The following ZNF600 variants were observed in gnomAD, a reference collection of about 807,000 sequenced individuals.
The protein encoded by ZNF600 is zinc finger protein KR-ZNF1.
Under a neutral mutation model 7.3 loss-of-function variants are expected in ZNF600, and 4 were observed. The observed-to-expected ratio is 0.55, with a 90% CI of 0.27 to 1.25. The LOEUF (loss-of-function observed/expected upper bound fraction) is 1.25. Among genes scored for constraint, ZNF600 ranks in the 50% most tolerant of loss-of-function variants. The pLI is 0.12. For missense variants in ZNF600, 911 were observed against 922.1 expected, an observed-to-expected ratio of 0.99 and a Z score of 0.16; for synonymous variants, 290 against 308.9, an observed-to-expected ratio of 0.94 and a Z score of 0.64.
At chr19:52,818,112 CTT>C in the ZNF600 span, 1 of 1,359,420 alleles carries the variant, frequency 7.4e-7, no homozygotes, top group East Asian at 2.4e-5. Flanking sequence ...ACAAAGGAGA[CTT>C]CACCTTGAGG....
At position 52,781,420 on chromosome 19, in the gene ZNF600, C is replaced by A. The variant is rs974958312; in HGVS notation, c.-19-2513G>T. 1 of 152,108 alleles carries A rather than the reference C, an allele frequency of 6.6e-6. No individual in the cohort carries two copies. The highest frequency in any genetic ancestry group is 2.4e-5 in the African/African-American group (1 of 41,416). 9.4% of individuals were successfully genotyped at this position (152,108 alleles called of 1,614,324 possible). A position where few individuals can be genotyped will look rare whatever the true frequency, so the allele number is the denominator to read the frequency against. On this transcript the variant is annotated intron_variant, in intron 1 of 3. The change abolishes an upstream ATG in the 5' untranslated region. Transcript: ENST00000648973. The stretch of plus-strand genomic sequence containing the variant: ...GGAGGAAGGACGTGTGGCTGATTCC[C>A]ATGTGATTGCCTGGAAGGCCCAATA...
chr19:52,810,777 ACCC>A, the ZNF600 span: 24,412 of 497,728 alleles, frequency 0.049, 1,972 homozygotes, highest in African/African-American at 0.23. Flanking sequence ...ATAAAAAAAA[ACCC>A]AAAAAAAACA....
At chr19:52,794,537 CTG>C in the ZNF600 span, among the ~76,000 whole-genome samples, 2 of 152,172 alleles carry the variant, frequency 1.3e-5, no homozygotes, top group Non-Finnish European at 2.9e-5. Flanking sequence ...CGCCAATAGG[CTG>C]TGTTGGTCTT....
At chr19:52,778,975 T>C (rs1210621217) in intron 1 of ZNF600, 68 bp from the exon 4 acceptor site, 3 of 1,436,192 alleles carry the variant, frequency 2.1e-6, no homozygotes, top group Non-Finnish European at 2.8e-6. Context: ...CAAAACCACA[T>C]GAACAGGGGA....
intron 1 of ZNF600, among the ~76,000 whole-genome samples, chr19:52,785,784 T>C (rs542360656): frequency 3.2e-4 from 49 of 152,210 alleles, no homozygotes; most frequent in Middle Eastern, 3.4e-3. Context: ...CTGCCCTGGC[T>C]CCAAATCCCT....
At chr19:52,809,732 G>A in the ZNF600 span, 1 of 412,424 alleles carries the variant, frequency 2.4e-6, no homozygotes. Flanking sequence ...TTTAACCCAG[G>A]AGGAGGGGGT....
At chr19:52,780,372 C>T (rs2062710317) in intron 1 of ZNF600, among the ~76,000 whole-genome samples, 2 of 152,118 alleles carry the variant, frequency 1.3e-5, no homozygotes, top group Non-Finnish European at 2.9e-5. Flanking sequence ...CTGCTTGTCA[C>T]TTGCAGCTGA....
chr19:52,777,177 G>A (rs866690409), intron 2 of ZNF600, among the ~76,000 whole-genome samples: 1 of 151,604 alleles, frequency 6.6e-6, no homozygotes. Context: ...TCAGGAGTTC[G>A]ACCAGCCTGA....
At chr19:52,768,439 CAA>C (rs34209404) in intron 3 of ZNF600, among the ~76,000 whole-genome samples, 24 of 66,950 alleles carry the variant, frequency 3.6e-4, no homozygotes, top group South Asian at 4.9e-4. Flanking sequence ...GACTCCACCT[CAA>C]AAAAAAAAAA....
chr19:52,771,384 G>A (rs2062629022), intron 3 of ZNF600, among the ~76,000 whole-genome samples: 1 of 149,902 alleles, frequency 6.7e-6, no homozygotes, highest in African/African-American at 2.5e-5. Flanking sequence ...CACCCAGGCT[G>A]GAGTGCAGTG....
At chr19:52,808,294 A>C in the ZNF600 span, among the ~76,000 whole-genome samples, 1 of 152,204 alleles carries the variant, frequency 6.6e-6, no homozygotes, top group African/African-American at 2.4e-5. Context: ...ATACTTTTTG[A>C]AGTGATCAAG....
chr19:52,799,204 G>A, the ZNF600 span: 7 of 386,310 alleles, frequency 1.8e-5, no homozygotes, highest in African/African-American at 8.4e-5. Flanking sequence ...TCTCCAATAC[G>A]AATTGCCTTT....
Position 52,777,156 on chromosome 19 carries a change from G to A in ZNF600, c.63+1670C>T, listed in dbSNP as rs552205743. ...AGCACTATGGGAGGCTGAGGTGGATGAATCACAAGGTCAGGAGTTCGACCA... is the reference window on the plus strand; with the variant it reads ...AGCACTATGGGAGGCTGAGGTGGATAAATCACAAGGTCAGGAGTTCGACCA... On this transcript the variant is annotated intron_variant, in intron 2 of 3. Coordinates refer to ENST00000648973, the Ensembl canonical transcript of ZNF600. 5.3e-3 allele frequency among the ~76,000 whole-genome samples: 802 copies of A among 152,142 alleles called. 5 individuals carry two copies. Among genetic ancestry groups the A allele is most frequent in the Non-Finnish European group, 8.0e-3 (541 of 68,006 alleles).
chr19:52,821,052 TC>T, the ZNF600 span, among the ~76,000 whole-genome samples: 1 of 152,068 alleles, frequency 6.6e-6, no homozygotes, highest in Non-Finnish European at 1.5e-5. Flanking sequence ...CAGGCACCTC[TC>T]CAACGCGGGC....
chr19:52,791,542 G>A (rs1358410214), upstream of ZNF600, among the ~76,000 whole-genome samples: 1 of 152,088 alleles, frequency 6.6e-6, no homozygotes, highest in Non-Finnish European at 1.5e-5. Context: ...TCTTCTGAGT[G>A]GCTTCCTCAT....
chr19:52,772,868 T>A (rs1392082019), intron 3 of ZNF600, among the ~76,000 whole-genome samples: 5 of 130,296 alleles, frequency 3.8e-5, no homozygotes, highest in Non-Finnish European at 7.4e-5. Flanking sequence ...ATACAAGGAC[T>A]GAGCTGGGAC....
chr19:52,786,837 C>T (rs1568637609), upstream of ZNF600: 2 of 284,666 alleles, frequency 7.0e-6, no homozygotes, highest in South Asian at 2.8e-5. Flanking sequence ...GGGGTAGAGG[C>T]GGGGCCCCAG....
the ZNF600 span, among the ~76,000 whole-genome samples, chr19:52,806,348 G>A: frequency 4.6e-5 from 7 of 151,748 alleles, no homozygotes; most frequent in Non-Finnish European, 1.0e-4. Context: ...CACCCACCAC[G>A]GCGCCTGGCT....
the ZNF600 span, chr19:52,797,682 A>G: frequency 6.5e-6 from 1 of 154,512 alleles, no homozygotes; most frequent in Admixed American, 6.5e-5. Context: ...GAAATCTACA[A>G]ACATTGATCA....
Sources: allele counts gnomAD v4.1 joint callset (sites outside exome capture counted in the v4.1 genomes callset), GRCh38; gene constraint gnomAD v4.1.1; transcripts MANE v1.5; gene names NCBI Gene and HGNC (gene_info 2026-07-23, HGNC 2026-07-21).